KIRREL2: variants seen among roughly 807,000 people sequenced by gnomAD.
KIRREL2 encodes the protein kirre like nephrin family adhesion molecule 2, also known as kin of IRRE-like protein 2.
Under a neutral mutation model 73.4 loss-of-function variants are expected in KIRREL2, and 56 were observed. That is an observed-to-expected ratio of 0.76 (90% confidence interval 0.62 to 0.95). KIRREL2 has a LOEUF of 0.95. Among genes scored for constraint, KIRREL2 ranks in the 40% least tolerant of loss-of-function variants. KIRREL2 has a pLI of 0.00. For synonymous variants in KIRREL2, 407 were observed against 404.0 expected (o/e 1.01, Z -0.09); for missense variants, 896 against 935.0 (o/e 0.96, Z 0.54).
At chr19:35,856,347 G>T (rs1599854637), upstream of KIRREL2, among the ~76,000 whole-genome samples, 1 of 152,256 alleles carries the variant, frequency 6.6e-6, no homozygotes, top group Non-Finnish European at 1.5e-5. This position sits in a 1 kb window ranked among gnomAD's most constrained non-coding sequence, Gnocchi z 5.9. Context: ...AGGAGGGGCC[G>T]AGGGCCTGGA....
At chr19:35,853,316 G>A (rs1338450114), upstream of KIRREL2, among the ~76,000 whole-genome samples, 1 of 152,214 alleles carries the variant, frequency 6.6e-6, no homozygotes, top group Non-Finnish European at 1.5e-5. Flanking sequence ...GAGTGCACAG[G>A]GTGTGGGCGG....
In KIRREL2 at chr19:35,857,052, G is replaced by A. The variant is rs1407553389; in HGVS notation, c.-68G>A. 1.3e-6 allele frequency: 2 copies of A among 1,534,590 alleles called. No homozygotes were observed. Among genetic ancestry groups the A allele is most frequent in the Non-Finnish European group, 1.8e-6 (2 of 1,108,156 alleles). On this transcript the variant is annotated 5_prime_UTR_variant, in exon 1 of 15. The change creates a new upstream start codon in the 5' untranslated region. Transcript: ENST00000360202. Reference sequence around the variant, plus strand: ...GCTCCGGGCCAGGGTGACAGGAGGCGTGCTTGAGAGGAAGAAGTTGACGGG... The same window carrying A: ...GCTCCGGGCCAGGGTGACAGGAGGCATGCTTGAGAGGAAGAAGTTGACGGG...
chr19:35,861,316 G>T lies in KIRREL2; in HGVS notation c.1189+62G>T. Reference sequence around the variant, plus strand: ...CCTGGGATAGGGAGCGGACAGAGGGGGCAAGGGCTAATGCAGTGGGAGTGG... The same window carrying T: ...CCTGGGATAGGGAGCGGACAGAGGGTGCAAGGGCTAATGCAGTGGGAGTGG... On this transcript the variant is annotated intron_variant, in intron 9 of 14. Coordinates refer to ENST00000360202, the MANE Select transcript of KIRREL2 (RefSeq NM_199180.4). 2 of 1,506,722 alleles carry T rather than the reference G, an allele frequency of 1.3e-6. 1 individual carries two copies. The allele number at this position is 1,506,722 out of a possible 1,614,324, so 93.3% of individuals were successfully genotyped here. A position where few individuals can be genotyped will look rare whatever the true frequency, so the allele number is the denominator to read the frequency against.
In KIRREL2 at chr19:35,861,270, T is replaced by TA; in HGVS notation, c.1189+16_1189+17insA. The TA allele has an allele frequency of 6.6e-7, 1 of 1,521,134 alleles. No individual in the cohort carries two copies. Among genetic ancestry groups the TA allele is most frequent in the Non-Finnish European group, 8.7e-7 (1 of 1,145,758 alleles). 94.2% of individuals were successfully genotyped at this position (1,521,134 alleles called of 1,614,324 possible). On this transcript the variant is annotated intron_variant, in intron 9 of 14. Coordinates refer to ENST00000360202, the MANE Select transcript of KIRREL2 (RefSeq NM_199180.4). The stretch of plus-strand genomic sequence containing the variant: ...ACTGTGAACGGTGAGAAGGCGGGGC[T>TA]TCCTAGGGGACCTGGCCCGTCCTGG...
upstream of KIRREL2, chr19:35,851,890 C>T (rs1180072880): frequency 2.7e-6 from 4 of 1,497,072 alleles, no homozygotes; most frequent in Non-Finnish European, 3.6e-6. Flanking sequence ...CCACCTGCGT[C>T]TGTCTGGCTT....
At chr19:35,855,656 TACACACACACACACAC>T (rs57458964), upstream of KIRREL2, among the ~76,000 whole-genome samples, 27 of 84,922 alleles carry the variant, frequency 3.2e-4, no homozygotes, top group South Asian at 2.3e-3. Flanking sequence ...CACCTCCCCA[TACACACACACACACAC>T]ACACACACAC....
chr19:35,858,619 T>TAGCAG, intron 3 of KIRREL2, 62 bp downstream of exon 3: 1 of 1,609,904 alleles, frequency 6.2e-7, no homozygotes, highest in Non-Finnish European at 8.5e-7. Flanking sequence ...TAGCTGTGAG[T>TAGCAG]AGCAGAGCCC....
rs776192993 is a variant in KIRREL2 at position 35,866,237 on chromosome 19, C to A, written c.1872C>A (p.Phe624Leu). 1 of 1,611,180 alleles carries A rather than the reference C, an allele frequency of 6.2e-7. No homozygotes were observed. The highest frequency in any genetic ancestry group is 8.5e-7 in the Non-Finnish European group (1 of 1,177,476). ...GCGAAGCCCCTGGAGGAGGTCTCTT[C>A]CTGCCACCACCCTCCCCCCTTGGGC... is the stretch of plus-strand genomic sequence containing the variant. ...SLGEAPGGGLFLPPPSPLGPP... is the reference protein window; with the variant it reads ...SLGEAPGGGLLLPPPSPLGPP... The change falls in exon 15 of 15, where the codon TTC becomes TTA. Residue 624 changes from phenylalanine to leucine, a missense_variant. By Grantham distance (22) the Phe-to-Leu change is conservative (BLOSUM62 0). Coordinates refer to ENST00000360202, the MANE Select transcript of KIRREL2 (RefSeq NM_199180.4).
intron 12 of KIRREL2, 64 bp from the exon 13 acceptor site, chr19:35,862,863 C>T (rs1369389523): frequency 1.0e-6 from 1 of 979,768 alleles, no homozygotes; most frequent in African/African-American, 1.6e-5. Flanking sequence ...TCTCTTCCCG[C>T]TTATTGGTCT....
Position 35,866,533 on chromosome 19 carries a change from A to G in KIRREL2, c.*41A>G, listed in dbSNP as rs141223190. On this transcript the variant is annotated 3_prime_UTR_variant, in exon 15 of 15. Transcript: ENST00000360202. The stretch of plus-strand genomic sequence containing the variant: ...AGAGTCCTGGGATCTCCAACTTGCC[A>G]TAATGGATTGTTCTGATTTCTGAGG... The G allele has an allele frequency of 2.5e-6, 4 of 1,613,194 alleles. No homozygotes were observed. Among genetic ancestry groups the G allele is most frequent in the East Asian group, 2.2e-5 (1 of 44,882 alleles).
At chr19:35,859,384 C>A in intron 4 of KIRREL2, 97 bp from the exon 5 acceptor site, 2 of 1,095,412 alleles carry the variant, frequency 1.8e-6, no homozygotes, top group East Asian at 2.4e-5. Flanking sequence ...GTATGTGTGG[C>A]CTAAGACAAT....
intron 11 of KIRREL2, 113 bp downstream of exon 11, chr19:35,862,137 C>A: frequency 1.2e-6 from 1 of 865,632 alleles, no homozygotes; most frequent in Non-Finnish European, 1.7e-6. Flanking sequence ...AGGAGACCTC[C>A]AAACCTCGGG....
At chr19:35,865,720 C>T (rs531605180) in intron 14 of KIRREL2, among the ~76,000 whole-genome samples, 1 of 152,328 alleles carries the variant, frequency 6.6e-6, no homozygotes, top group African/African-American at 2.4e-5. Context: ...AGCCCTGACC[C>T]CTCTGGGTAC....
chr19:35,863,774 T>C (rs1409146861), intron 13 of KIRREL2, among the ~76,000 whole-genome samples: 2 of 145,332 alleles, frequency 1.4e-5, no homozygotes, highest in Non-Finnish European at 3.0e-5. Context: ...TCTTTTTTTT[T>C]CTTTCTTTCT....
At chr19:35,852,789 T>C (rs1018619968), upstream of KIRREL2, among the ~76,000 whole-genome samples, 1 of 152,042 alleles carries the variant, frequency 6.6e-6, no homozygotes, top group African/African-American at 2.4e-5. Context: ...TTTCTTTCTT[T>C]CTTTCTTTTC....
intron 13 of KIRREL2, among the ~76,000 whole-genome samples, chr19:35,864,017 C>T (rs1299650137): frequency 2.0e-5 from 3 of 152,006 alleles, no homozygotes; most frequent in East Asian, 3.9e-4. Context: ...CCTCGTGATC[C>T]GCTCGTCTCG....
chr19:35,864,660 C>G lies in KIRREL2; in HGVS notation c.1738C>G (p.His580Asp), dbSNP rs114094813. The stretch of plus-strand genomic sequence containing the variant: ...TTCCCTACCCCAGGGCCCCATTGTG[C>G]ACACTGACCACAGTGATCTGGTTCT... ...GSREDRGPIV[H>D]TDHSDLVLEE... The change falls in exon 14 of 15, where the codon CAC (histidine) becomes GAC (aspartate). Residue 580 changes from histidine (H) to aspartate (D), a missense_variant. Physicochemically the swap from His to Asp is moderately conservative, Grantham distance 81 (BLOSUM62 -1). Transcript: ENST00000360202. 6.2e-7 allele frequency: 1 copy of G among 1,612,784 alleles called. No homozygotes were observed. The highest frequency in any genetic ancestry group is 2.2e-5 in the East Asian group (1 of 44,866).
upstream of KIRREL2, chr19:35,851,843 G>A (rs1362142877): frequency 6.4e-6 from 10 of 1,550,540 alleles, no homozygotes; most frequent in Non-Finnish European, 8.7e-6. Flanking sequence ...GCCATCACAG[G>A]TCCCCCTACT....
At chr19:35,852,555 G>A (rs1299279433), upstream of KIRREL2, among the ~76,000 whole-genome samples, 1 of 151,792 alleles carries the variant, frequency 6.6e-6, no homozygotes, top group Non-Finnish European at 1.5e-5. Flanking sequence ...TCTGGCCTCT[G>A]CCCAGCAGGC....
Sources: allele counts gnomAD v4.1 joint callset (sites outside exome capture counted in the v4.1 genomes callset), GRCh38; gene constraint gnomAD v4.1.1; non-coding constraint Gnocchi (gnomAD v3.1); transcripts MANE v1.5; gene names NCBI Gene and HGNC (gene_info 2026-07-23, HGNC 2026-07-21).